Variants in RBFOX1 observed in about 807,000 individuals in gnomAD.
The protein encoded by RBFOX1 is RNA binding fox-1 homolog 1, also known as RNA binding protein fox-1 homolog 1.
In RBFOX1, 8 loss-of-function variants were observed where a neutral mutation model predicts 57.7. The observed-to-expected ratio is 0.14, with a 90% CI of 0.08 to 0.25. The LOEUF is 0.25. Among genes scored for constraint, RBFOX1 ranks in the 10% least tolerant of loss-of-function variants. The pLI, the probability that RBFOX1 is intolerant of heterozygous loss-of-function variation, is 1.00. For missense variants in RBFOX1, 611 were observed against 548.5 expected (o/e 1.11, Z -1.14); for synonymous variants, 326 against 222.4 (o/e 1.47, Z -4.15).
intron 2 of RBFOX1, among the ~76,000 whole-genome samples, chr16:5,550,151 C>A (rs2045402148): frequency 6.6e-6 from 1 of 152,206 alleles, no homozygotes; most frequent in Admixed American, 6.5e-5. Flanking sequence ...AGCATCACTG[C>A]AGAACCAACT....
intron 2 of RBFOX1, among the ~76,000 whole-genome samples, chr16:6,563,318 C>T (rs1235107525): frequency 1.3e-5 from 2 of 152,118 alleles, no homozygotes. Context: ...TTACAATGGG[C>T]CAGGCACTAT....
At chr16:7,531,580 C>T (rs2080087611) in intron 5 of RBFOX1, among the ~76,000 whole-genome samples, 1 of 152,128 alleles carries the variant, frequency 6.6e-6, no homozygotes, top group African/African-American at 2.4e-5. Context: ...ATGCTGGGGT[C>T]TTCCATGAGC....
At chr16:6,053,993 T>C (rs2095583924) in intron 1 of RBFOX1, among the ~76,000 whole-genome samples, 1 of 152,084 alleles carries the variant, frequency 6.6e-6, no homozygotes, top group South Asian at 2.1e-4. Flanking sequence ...GAGGTTGAGG[T>C]TACAGTGTTG....
chr16:5,998,558 C>T (rs1440930097), intron 4 of RBFOX1, among the ~76,000 whole-genome samples: 1 of 151,954 alleles, frequency 6.6e-6, no homozygotes, highest in Non-Finnish European at 1.5e-5. Context: ...ATGTGGATGC[C>T]CAGCATATAA....
At chr16:7,126,917 G>A (rs2068712885) in intron 4 of RBFOX1, among the ~76,000 whole-genome samples, 1 of 150,824 alleles carries the variant, frequency 6.6e-6, no homozygotes, top group East Asian at 2.0e-4. Context: ...GCTGAGGCAG[G>A]AGAATAGCTT....
rs76718596 is a variant in RBFOX1, at chr16:7,108,446, C to T, written c.27+56348C>T. Reference sequence around the variant, plus strand: ...TTAAACATTACATAGTTTAGGTATACAATTGATTCATCCATTCATTGATCT... The same window carrying T: ...TTAAACATTACATAGTTTAGGTATATAATTGATTCATCCATTCATTGATCT... On this transcript the variant is annotated intron_variant, in intron 4 of 15. Coordinates refer to ENST00000550418, the MANE Select transcript of RBFOX1 (RefSeq NM_018723.4). Among the ~76,000 whole-genome samples, 294 of 152,218 alleles carry T rather than the reference C, an allele frequency of 1.9e-3. 1 individual carries two copies. The highest frequency in any genetic ancestry group is 6.8e-3 in the African/African-American group (282 of 41,544).
chr16:6,855,928 T>C (rs1261379741), intron 3 of RBFOX1, among the ~76,000 whole-genome samples: 1 of 150,162 alleles, frequency 6.7e-6, no homozygotes, highest in Non-Finnish European at 1.5e-5. Context: ...TCTTTACTCA[T>C]GCACATATTC....
intron 4 of RBFOX1, among the ~76,000 whole-genome samples, chr16:7,144,565 C>G (rs1171111677): frequency 6.6e-6 from 1 of 151,824 alleles, no homozygotes; most frequent in Non-Finnish European, 1.5e-5. Flanking sequence ...GCTGGAATTA[C>G]ATGCATGAGC....
In RBFOX1 at chr16:7,712,069, A is replaced by T. The variant is rs1049841471; in HGVS notation, c.*1324A>T. On this transcript the variant is annotated 3_prime_UTR_variant, in exon 16 of 16. Transcript: ENST00000550418. ...CATCCACCCTCTTAATCCCAAAAGAACAAAGTCTCCCCACCTTTCTCGGAT... is the reference window on the plus strand; with the variant it reads ...CATCCACCCTCTTAATCCCAAAAGATCAAAGTCTCCCCACCTTTCTCGGAT... 1 of 152,584 alleles carries T rather than the reference A, an allele frequency of 6.6e-6. No individual in the cohort carries two copies. The highest frequency in any genetic ancestry group is 1.5e-5 in the Non-Finnish European group (1 of 68,060). 9.5% of individuals were successfully genotyped at this position (152,584 alleles called of 1,614,324 possible). A position where few individuals can be genotyped will look rare whatever the true frequency, so the allele number is the denominator to read the frequency against.
At chr16:5,517,512 A>G (rs1029378600) in intron 2 of RBFOX1, among the ~76,000 whole-genome samples, 1 of 152,150 alleles carries the variant, frequency 6.6e-6, no homozygotes, top group African/African-American at 2.4e-5. Flanking sequence ...AGAAGAGAGA[A>G]TTTTATTGGA....
chr16:7,108,868 G>A (rs904911284), intron 4 of RBFOX1, among the ~76,000 whole-genome samples: 2 of 152,122 alleles, frequency 1.3e-5, no homozygotes. Context: ...ATATATTTAT[G>A]GTTGAATACT....
chr16:7,555,001 T>C (rs184983164), intron 5 of RBFOX1, among the ~76,000 whole-genome samples: 2 of 152,316 alleles, frequency 1.3e-5, no homozygotes, highest in East Asian at 1.9e-4. Context: ...TTAGGTAGTA[T>C]TGCATATTTA....
intron 1 of RBFOX1, among the ~76,000 whole-genome samples, chr16:6,091,187 C>G (rs1024600863): frequency 6.6e-6 from 1 of 152,128 alleles, no homozygotes; most frequent in Non-Finnish European, 1.5e-5. Context: ...ACCCATTAAC[C>G]GATTTGTCTT....
chr16:7,217,954 A>G (rs576059374), intron 4 of RBFOX1, among the ~76,000 whole-genome samples: 13 of 149,970 alleles, frequency 8.7e-5, no homozygotes, highest in South Asian at 2.1e-4. Flanking sequence ...GTGTGTGTGC[A>G]CATGTGTACC....
intron 4 of RBFOX1, among the ~76,000 whole-genome samples, chr16:7,314,705 C>A (rs1173465235): frequency 6.6e-6 from 1 of 152,096 alleles, no homozygotes; most frequent in Non-Finnish European, 1.5e-5. Context: ...ACATTAGAAT[C>A]CTCCGTCCTT....
At position 5,528,705 on chromosome 16, in the gene RBFOX1, A is replaced by G. The variant is rs148030493; in HGVS notation, c.258+61451A>G. Among the ~76,000 whole-genome samples, 33 of 146,256 alleles carry G rather than the reference A, an allele frequency of 2.3e-4. 1 individual carries two copies. The East Asian group carries it at 6.1e-3, about 27-fold the overall frequency. On this transcript the variant is annotated intron_variant, in intron 2 of 2. Transcript: ENST00000585867. ...CACTCTGTCGCCCAGGCTGGACTGCAGTGGCGCAATCTCGGCTCACTGCAA... is the reference window on the plus strand; with the variant it reads ...CACTCTGTCGCCCAGGCTGGACTGCGGTGGCGCAATCTCGGCTCACTGCAA...
intron 4 of RBFOX1, among the ~76,000 whole-genome samples, chr16:5,956,851 T>TA (rs2152283688): frequency 6.7e-6 from 1 of 149,944 alleles, no homozygotes; most frequent in Admixed American, 6.6e-5. Context: ...TTTTTTTTTT[T>TA]ATAGAGATGG....
At chr16:5,842,383 C>T (rs983665961) in intron 3 of RBFOX1, among the ~76,000 whole-genome samples, 4 of 152,214 alleles carry the variant, frequency 2.6e-5, no homozygotes, top group African/African-American at 9.6e-5. Flanking sequence ...ATCACAAAGC[C>T]CTTGGATTTG....
At chr16:7,195,841 C>T (rs963506371) in intron 4 of RBFOX1, among the ~76,000 whole-genome samples, 1 of 152,198 alleles carries the variant, frequency 6.6e-6, no homozygotes, top group Non-Finnish European at 1.5e-5. Flanking sequence ...GCATGAACCA[C>T]TGTGCCCAGC....
Sources: allele counts gnomAD v4.1 joint callset (sites outside exome capture counted in the v4.1 genomes callset), GRCh38; gene constraint gnomAD v4.1.1; transcripts MANE v1.5; gene names NCBI Gene and HGNC (gene_info 2026-07-23, HGNC 2026-07-21).